CDH4: variants seen among roughly 807,000 people sequenced by gnomAD.
The protein encoded by CDH4 is cadherin-4.
A neutral mutation model predicts 86.0 loss-of-function variants in CDH4; 33 were observed. That is an observed-to-expected ratio of 0.38 (90% CI 0.29 to 0.51). The LOEUF (loss-of-function observed/expected upper bound fraction) is 0.51. Ranked by LOEUF, CDH4 falls within the 20% of genes least tolerant of loss-of-function variation. CDH4 has a pLI of 0.86. For missense variants in CDH4, 1,114 were observed against 1,307.4 expected (o/e 0.85, Z 2.28); for synonymous variants, 555 against 549.4 (o/e 1.01, Z -0.14).
intron 2 of CDH4, chr20:61,436,479 C>T (rs2085282987): frequency 6.6e-6 from 1 of 152,164 alleles, no homozygotes; most frequent in South Asian, 2.1e-4. Flanking sequence ...AACTCAGTTA[C>T]CTCTAATTGT....
chr20:61,933,312 C>T (rs1329353422), intron 14 of CDH4, among the ~76,000 whole-genome samples, 188 bp downstream of exon 14: 8 of 152,258 alleles, frequency 5.3e-5, no homozygotes, highest in East Asian at 3.9e-4. Flanking sequence ...GCATCCCCCA[C>T]GGGGGATCCT....
At chr20:61,592,726 C>T (rs773274693) in intron 2 of CDH4, among the ~76,000 whole-genome samples, 21 of 152,120 alleles carry the variant, frequency 1.4e-4, no homozygotes, top group South Asian at 2.1e-4. Context: ...GGAGTCACTC[C>T]CACGCAGTCT....
At position 61,422,454 on chromosome 20, in the gene CDH4, AAAAAAAAAAAAAAC is replaced by A. The variant is rs1327382754; in HGVS notation, c.169+167518_169+167531del. On this transcript the variant is annotated intron_variant, in intron 2 of 15. Transcript: ENST00000614565. ...AAAAAAAAAAAAAAAAAAAAAAAAA[AAAAAAAAAAAAAAC>A]CAAATCTCCCCAAGTGTCTTCTTTA... Among the ~76,000 whole-genome samples, 500 of 78,908 alleles carry A rather than the reference AAAAAAAAAAAAAAC, an allele frequency of 6.3e-3. 47 individuals are homozygous for A. Among genetic ancestry groups the A allele is most frequent in the Admixed American group, 0.011 (80 of 7,144 alleles). The allele number at this position is 78,908 out of a possible 152,430, so 51.8% of individuals were successfully genotyped here. A position where few individuals can be genotyped will look rare whatever the true frequency, so the allele number is the denominator to read the frequency against.
At chr20:61,687,818 T>A (rs1039411714) in intron 2 of CDH4, among the ~76,000 whole-genome samples, 1 of 152,176 alleles carries the variant, frequency 6.6e-6, no homozygotes, top group African/African-American at 2.4e-5. Flanking sequence ...ACAATGTGTC[T>A]AGGGCATAGA....
intron 2 of CDH4, among the ~76,000 whole-genome samples, chr20:61,674,427 G>A (rs537226266): frequency 1.3e-5 from 2 of 152,186 alleles, no homozygotes; most frequent in African/African-American, 2.4e-5. Context: ...CAGGCAGCAG[G>A]CCTTTCGTGC....
At chr20:61,917,650 C>T (rs1465184032) in intron 9 of CDH4, among the ~76,000 whole-genome samples, 1 of 152,174 alleles carries the variant, frequency 6.6e-6, no homozygotes, top group Non-Finnish European at 1.5e-5. Context: ...CCTGGTCCTG[C>T]CCACTCCGCC....
In CDH4 at chr20:61,838,815, C is replaced by A. The variant is rs1981995023; in HGVS notation, c.577-5853C>A. ...CTCCAGCCTGGGTGACAGAGCAAGACCCTGTCTAAAAAAAAAAAAAAAAGA... is the reference window on the plus strand; with the variant it reads ...CTCCAGCCTGGGTGACAGAGCAAGAACCTGTCTAAAAAAAAAAAAAAAAGA... On this transcript the variant is annotated intron_variant, in intron 4 of 15. Transcript: ENST00000614565. 5.0e-5 allele frequency among the ~76,000 whole-genome samples: 6 copies of A among 119,360 alleles called. 1 individual carries two copies. The South Asian group carries it at 1.7e-3, about 34-fold the overall frequency. The allele number at this position is 119,360 out of a possible 152,430, so 78.3% of individuals were successfully genotyped here.
chr20:61,921,170 TCA>T (rs1192384581), intron 9 of CDH4, among the ~76,000 whole-genome samples: 2 of 147,734 alleles, frequency 1.4e-5, no homozygotes, highest in African/African-American at 5.2e-5. Context: ...AAGCGTGGTG[TCA>T]CAGTGATTGC....
At chr20:61,599,898 C>G (rs1427909642) in intron 2 of CDH4, 5 of 985,364 alleles carry the variant, frequency 5.1e-6, no homozygotes, top group Non-Finnish European at 6.0e-6. Context: ...GCACTCACAG[C>G]TTGGAAAATA....
intron 8 of CDH4, among the ~76,000 whole-genome samples, chr20:61,907,274 C>G (rs1309609010): frequency 6.6e-6 from 1 of 152,124 alleles, no homozygotes; most frequent in Non-Finnish European, 1.5e-5. Flanking sequence ...CATTCCCCGG[C>G]CCTTCTGGAA....
chr20:61,711,363 T>C (rs1481574010), intron 2 of CDH4, among the ~76,000 whole-genome samples: 1 of 152,224 alleles, frequency 6.6e-6, no homozygotes, highest in Non-Finnish European at 1.5e-5. Context: ...GATATTTCCA[T>C]ATAGCGATGT....
intron 2 of CDH4, among the ~76,000 whole-genome samples, chr20:61,698,717 C>T (rs912461474): frequency 3.9e-5 from 6 of 152,200 alleles, no homozygotes; most frequent in East Asian, 3.8e-4. Flanking sequence ...TCAGCAGATC[C>T]CTGGTCCCCA....
chr20:61,419,859 T>G (rs1016682823), intron 2 of CDH4, among the ~76,000 whole-genome samples: 5 of 152,176 alleles, frequency 3.3e-5, no homozygotes, highest in African/African-American at 1.2e-4. Flanking sequence ...ACATGTGTGC[T>G]CCCTCACAGC....
In CDH4 at chr20:61,684,567, T is replaced by G. The variant is rs1469021463; in HGVS notation, c.170-58996T>G. Among the ~76,000 whole-genome samples the G allele has an allele frequency of 6.6e-6, 1 of 152,222 alleles. No individual in the cohort carries two copies. Among genetic ancestry groups the G allele is most frequent in the Non-Finnish European group, 1.5e-5 (1 of 68,038 alleles). The stretch of plus-strand genomic sequence containing the variant: ...CCCTGTGTTGTTCTGCAGCTGGGAA[T>G]CCTGGGCTCCGTCCTGGGGGCTGAA... On this transcript the variant is annotated intron_variant, in intron 2 of 15. Transcript: ENST00000614565. The surrounding 1 kb of genome is among the most constrained non-coding windows in gnomAD (Gnocchi z 4.5).
intron 2 of CDH4, among the ~76,000 whole-genome samples, chr20:61,315,580 T>C (rs1215559750): frequency 6.6e-6 from 1 of 152,208 alleles, no homozygotes; most frequent in African/African-American, 2.4e-5. Context: ...CAGGAGGATG[T>C]CGGGGAGAAA....
intron 2 of CDH4, among the ~76,000 whole-genome samples, chr20:61,435,081 T>C (rs193278162): frequency 2.0e-5 from 3 of 152,334 alleles, no homozygotes; most frequent in East Asian, 1.9e-4. Flanking sequence ...GAGTATGAAG[T>C]TGAATTAACT....
chr20:61,577,813 G>T (rs1158942014), intron 2 of CDH4, among the ~76,000 whole-genome samples: 1 of 152,178 alleles, frequency 6.6e-6, no homozygotes, highest in Non-Finnish European at 1.5e-5. Flanking sequence ...TCAATACCAA[G>T]ACTATGTCTT....
chr20:61,816,064 C>T (rs1007913950), intron 4 of CDH4, among the ~76,000 whole-genome samples: 5 of 152,152 alleles, frequency 3.3e-5, no homozygotes, highest in Admixed American at 1.3e-4. Flanking sequence ...AAGCGGCTCC[C>T]AGGAAGTCCA....
chr20:61,706,600 C>A (rs765010494), intron 2 of CDH4, among the ~76,000 whole-genome samples: 2 of 152,154 alleles, frequency 1.3e-5, no homozygotes, highest in Non-Finnish European at 2.9e-5. Context: ...AGGACAGGGC[C>A]TGTGGGATCT....
Sources: gnomAD v4.1 joint callset for allele counts (sites outside exome capture counted in the v4.1 genomes callset) on GRCh38, gnomAD v4.1.1 for gene constraint, Gnocchi (gnomAD v3.1) non-coding constraint, MANE v1.5 for transcripts, NCBI Gene and HGNC (gene_info 2026-07-23, HGNC 2026-07-21) for gene names.